The following DCLK1 variants were observed in gnomAD, a reference collection of about 807,000 sequenced individuals.
DCLK1 encodes the protein doublecortin like kinase 1, also known as serine/threonine-protein kinase DCLK1.
Under a neutral mutation model 86.2 loss-of-function variants are expected in DCLK1, and 16 were observed. The observed-to-expected ratio is 0.19, with a 90% confidence interval of 0.13 to 0.28. DCLK1 has a LOEUF of 0.28. Among genes scored for constraint, DCLK1 ranks in the 10% least tolerant of loss-of-function variants. The pLI, the probability that DCLK1 is intolerant of heterozygous loss-of-function variation, is 1.00. For missense variants in DCLK1, 590 were observed against 940.2 expected (o/e 0.63, Z 4.87); for synonymous variants, 369 against 370.5 (o/e 1.00, Z 0.05).
At chr13:35,977,106 A>G (rs984396010) in intron 3 of DCLK1, among the ~76,000 whole-genome samples, 3 of 140,388 alleles carry the variant, frequency 2.1e-5, no homozygotes, top group African/African-American at 7.5e-5. Context: ...AAAATGCTGT[A>G]TTTTTCGTGT....
rs11449048 is a variant in DCLK1, at chr13:36,000,950, A to ATTT, written c.724-53496_724-53494dup. ...GCTATAAAAGTTGTATGCATAACTG[A>ATTT]TTTTTTTTTTTTTTTGAGACAGAGT... On this transcript the variant is annotated intron_variant, in intron 3 of 16. Coordinates refer to ENST00000360631, the MANE Select transcript of DCLK1 (RefSeq NM_001330071.2). 2.7e-5 allele frequency among the ~76,000 whole-genome samples: 4 copies of ATTT among 146,646 alleles called. 1 individual carries two copies. The East Asian group carries it at 8.1e-4, about 30-fold the overall frequency.
intron 8 of DCLK1, 97 bp downstream of exon 8, chr13:35,835,936 T>G: frequency 1.1e-6 from 1 of 919,090 alleles, no homozygotes; most frequent in East Asian, 2.5e-5. Context: ...ATTAACTTAT[T>G]CCATATGTGC....
intron 2 of DCLK1, among the ~76,000 whole-genome samples, chr13:36,115,891 T>C (rs1416163770): frequency 7.3e-5 from 11 of 149,882 alleles, no homozygotes; most frequent in Admixed American, 2.0e-4. Flanking sequence ...ACTAGATTAT[T>C]TTTAAGATAC....
Position 35,920,676 on chromosome 13 carries a change from T to C in DCLK1, c.823+26682A>G, listed in dbSNP as rs981514617. Reference sequence around the variant, plus strand: ...ACACACTGGTTCATCGAAAGTTTTCTAAACCGGAGATTGAGGGCCATGAAT... The same window carrying C: ...ACACACTGGTTCATCGAAAGTTTTCCAAACCGGAGATTGAGGGCCATGAAT... On this transcript the variant is annotated intron_variant, in intron 4 of 16. Coordinates refer to ENST00000360631, the MANE Select transcript of DCLK1 (RefSeq NM_001330071.2). Among the ~76,000 whole-genome samples, 107 of 152,246 alleles carry C rather than the reference T, an allele frequency of 7.0e-4. 1 individual carries two copies. The highest frequency in any genetic ancestry group is 2.3e-3 in the African/African-American group (96 of 41,544).
At chr13:36,063,989 C>A (rs1253798415) in intron 3 of DCLK1, among the ~76,000 whole-genome samples, 2 of 152,076 alleles carry the variant, frequency 1.3e-5, no homozygotes, top group Non-Finnish European at 2.9e-5. Flanking sequence ...TTTTGGCACT[C>A]TGACAACTGT....
At position 35,772,710 on chromosome 13, in the gene DCLK1, G is replaced by A. The variant is rs1010218641; in HGVS notation, c.*1825C>T. 13 of 151,872 alleles carry A rather than the reference G, an allele frequency of 8.6e-5. No individual in the cohort carries two copies. The highest frequency in any genetic ancestry group is 3.1e-4 in the African/African-American group (13 of 41,334). The allele number at this position is 151,872 out of a possible 1,614,324, so 9.4% of individuals were successfully genotyped here. The stretch of plus-strand genomic sequence containing the variant: ...TCAATAAACGATATGCTTTTTACAT[G>A]TCAGGACAACACAGACCACAGAGAT... On this transcript the variant is annotated 3_prime_UTR_variant, in exon 17 of 17. Transcript: ENST00000360631.
chr13:35,787,949 A>G (rs943506482), intron 16 of DCLK1: 4 of 456,772 alleles, frequency 8.8e-6, no homozygotes, highest in Non-Finnish European at 1.6e-5. Context: ...AGCACTAAAT[A>G]TACTGTCCTT....
chr13:36,083,685 T>C (rs1884497414), intron 3 of DCLK1, among the ~76,000 whole-genome samples: 1 of 152,192 alleles, frequency 6.6e-6, no homozygotes, highest in Non-Finnish European at 1.5e-5. Context: ...AACAATCTTT[T>C]TCCTTGAGTT....
Position 36,125,880 on chromosome 13 carries a change from G to C in DCLK1, c.258C>G (p.Ala86=), listed in dbSNP as rs779789829. 1.2e-6 allele frequency: 2 copies of C among 1,614,132 alleles called. No individual in the cohort carries two copies. The highest frequency in any genetic ancestry group is 3.3e-5 in the Admixed American group (2 of 60,018). ...GAGTTCGGGTCAAATCAGCCAGCAG[G>C]GCCTCAAAAGATCGGAACCGGTCTG... ...ISPDRFRSFE[A]LLADLTRTLS... The change falls in exon 2 of 17, where the codon GCC becomes GCG. Residue 86 remains alanine, a synonymous_variant. Transcript: ENST00000360631.
At position 36,112,424 on chromosome 13, in the gene DCLK1, CA is replaced by C. The variant is rs555000683; in HGVS notation, c.377-210del. Reference sequence around the variant, plus strand: ...GCAACAGATCCACATCCTGGAAAAACAAAACAAAACATTATTCCTCCATTTC... The same window carrying C: ...GCAACAGATCCACATCCTGGAAAAACAAACAAAACATTATTCCTCCATTTC... On this transcript the variant is annotated intron_variant, in intron 2 of 16. Coordinates refer to ENST00000360631, the MANE Select transcript of DCLK1 (RefSeq NM_001330071.2). 4.2e-3 allele frequency among the ~76,000 whole-genome samples: 634 copies of C among 152,158 alleles called. 5 individuals carry two copies. The highest frequency in any genetic ancestry group is 0.014 in the African/African-American group (574 of 41,520).
chr13:35,914,304 G>C (rs10161900), intron 4 of DCLK1, among the ~76,000 whole-genome samples: 15,968 of 139,852 alleles, frequency 0.11, 1,008 homozygotes, highest in Middle Eastern at 0.16. Flanking sequence ...GGGCAACAGA[G>C]GGGAGACCTT....
At chr13:35,800,800 C>T (rs2086903510) in intron 15 of DCLK1, among the ~76,000 whole-genome samples, 1 of 145,914 alleles carries the variant, frequency 6.9e-6, no homozygotes, top group African/African-American at 2.7e-5. Flanking sequence ...TCACAGCAAC[C>T]TCTGCCCCCA....
At chr13:36,083,088 A>G (rs1056168547) in intron 3 of DCLK1, among the ~76,000 whole-genome samples, 6 of 151,032 alleles carry the variant, frequency 4.0e-5, no homozygotes, top group Non-Finnish European at 6.0e-5. Flanking sequence ...ACCGATTCCA[A>G]ACTGCTATTT....
intron 4 of DCLK1, among the ~76,000 whole-genome samples, chr13:35,920,941 A>G (rs1875765282): frequency 6.6e-6 from 1 of 152,056 alleles, no homozygotes; most frequent in Non-Finnish European, 1.5e-5. Flanking sequence ...CATTCCTGCC[A>G]TTCCATGTTT....
chr13:35,886,874 C>T (rs1351884116), intron 4 of DCLK1, among the ~76,000 whole-genome samples: 3 of 152,078 alleles, frequency 2.0e-5, no homozygotes. Flanking sequence ...ACAAAAATCT[C>T]ACAGGTTCAA....
At chr13:35,805,564 G>T in intron 15 of DCLK1, 135 bp downstream of exon 15, 2 of 827,720 alleles carry the variant, frequency 2.4e-6, no homozygotes, top group Non-Finnish European at 3.7e-6. Flanking sequence ...CTCCCAAAGG[G>T]CTGAGATTAC....
intron 4 of DCLK1, among the ~76,000 whole-genome samples, chr13:35,939,507 C>A (rs908069719): frequency 2.6e-5 from 4 of 152,216 alleles, no homozygotes; most frequent in Non-Finnish European, 5.9e-5. Context: ...GGGGCTCAAG[C>A]GATCCTCCCA....
Position 35,890,870 on chromosome 13 carries a change from T to C in DCLK1, c.824-19530A>G, listed in dbSNP as rs548663731. Among the ~76,000 whole-genome samples the C allele has an allele frequency of 1.2e-4, 10 of 80,298 alleles. No individual in the cohort carries two copies. The Admixed American group carries it at 1.5e-3, about 12-fold the overall frequency. The allele number at this position is 80,298 out of a possible 152,430, so 52.7% of individuals were successfully genotyped here. ...AAATTGCCTGTTAATATCCCTCTGC[T>C]TTTTTTTCTGTTTTTTTTTTCACCT... On this transcript the variant is annotated intron_variant, in intron 4 of 16. Coordinates refer to ENST00000360631, the MANE Select transcript of DCLK1 (RefSeq NM_001330071.2).
chr13:36,067,773 C>G (rs1457748998), intron 3 of DCLK1, among the ~76,000 whole-genome samples: 1 of 152,032 alleles, frequency 6.6e-6, no homozygotes, highest in Non-Finnish European at 1.5e-5. Context: ...CAATCTGCTT[C>G]TTGGAGGTAT....
Sources: gnomAD v4.1 joint callset for allele counts (sites outside exome capture counted in the v4.1 genomes callset) on GRCh38, gnomAD v4.1.1 for gene constraint, MANE v1.5 for transcripts, NCBI Gene and HGNC (gene_info 2026-07-23, HGNC 2026-07-21) for gene names.